SAMSN1: variants seen among roughly 807,000 people sequenced by gnomAD.
SAMSN1 encodes SAM domain, SH3 domain and nuclear localization signals 1.
Under a neutral mutation model 42.0 loss-of-function variants are expected in SAMSN1, and 31 were observed. That is an observed-to-expected ratio of 0.74 (90% confidence interval 0.55 to 1.00). SAMSN1 has a LOEUF of 1.00. Ranked by LOEUF, SAMSN1 falls within the 50% of genes least tolerant of loss-of-function variation. SAMSN1 has a pLI of 0.00. For missense variants in SAMSN1, 464 were observed against 439.4 expected (o/e 1.06, Z -0.50); for synonymous variants, 178 against 151.9 (o/e 1.17, Z -1.26).
chr21:14,531,411 C>T (rs1372612267), intron 1 of SAMSN1, among the ~76,000 whole-genome samples: 3 of 151,218 alleles, frequency 2.0e-5, no homozygotes, highest in African/African-American at 7.3e-5. Context: ...AAAAGAAAAC[C>T]CAAGAGTAAC....
rs191598540 is a variant in SAMSN1 at position 14,617,866 on chromosome 21, G to C, written c.157-1850C>G. On this transcript the variant is annotated intron_variant, in intron 2 of 15. Transcript: ENST00000647101. ...AATCGAGCAAGAGAGTTTGAATTTG[G>C]AAAGAAGATGTATTACGCAAACATA... is the stretch of plus-strand genomic sequence containing the variant. 3.3e-5 allele frequency among the ~76,000 whole-genome samples: 5 copies of C among 152,296 alleles called. No individual in the cohort carries two copies. The East Asian group carries it at 9.7e-4, about 29-fold the overall frequency.
intron 2 of SAMSN1, among the ~76,000 whole-genome samples, chr21:14,563,985 C>T (rs1045142234): frequency 6.6e-6 from 1 of 152,138 alleles, no homozygotes; most frequent in Admixed American, 6.6e-5. Flanking sequence ...GTTGGGTATA[C>T]ACACCTACTG....
chr21:14,656,806 A>G (rs917693975), intron 1 of SAMSN1, among the ~76,000 whole-genome samples: 1 of 151,874 alleles, frequency 6.6e-6, no homozygotes, highest in Non-Finnish European at 1.5e-5. Flanking sequence ...TAAATAAAAG[A>G]TGTTTAACTC....
upstream of SAMSN1, among the ~76,000 whole-genome samples, chr21:14,548,456 A>AC (rs1980500127): frequency 6.6e-6 from 1 of 152,196 alleles, no homozygotes; most frequent in African/African-American, 2.4e-5. Flanking sequence ...CCATATCTGG[A>AC]CTAGATGCAG....
Position 14,489,852 on chromosome 21 carries a change from A to C in SAMSN1, c.920-3738T>G, listed in dbSNP as rs556729058. 5.3e-5 allele frequency among the ~76,000 whole-genome samples: 8 copies of C among 152,276 alleles called. No homozygotes were observed. In the South Asian group the frequency reaches 1.7e-3, roughly 32 times the overall value. On this transcript the variant is annotated intron_variant, in intron 7 of 7. Coordinates refer to ENST00000400566, the MANE Select transcript of SAMSN1 (RefSeq NM_022136.5). ...AAAAGGGTGGCATCGTGATGAAAACAGAAGACGTCTAATATAATTATTCAC... is the reference window on the plus strand; with the variant it reads ...AAAAGGGTGGCATCGTGATGAAAACCGAAGACGTCTAATATAATTATTCAC...
At chr21:14,507,008 A>C (rs764753778) in intron 5 of SAMSN1, among the ~76,000 whole-genome samples, 2 of 152,184 alleles carry the variant, frequency 1.3e-5, no homozygotes, top group African/African-American at 2.4e-5. Context: ...TCATGATTAA[A>C]ACTCAGCAAA....
chr21:14,609,144 T>C (rs1982638230), intron 5 of SAMSN1, among the ~76,000 whole-genome samples: 1 of 152,104 alleles, frequency 6.6e-6, no homozygotes, highest in South Asian at 2.1e-4. Flanking sequence ...GAGAGTTTTC[T>C]CGTGCTCTAA....
chr21:14,487,253 TTCAAAGAAGGAAAATGTATAA>T (rs1388416601), intron 7 of SAMSN1, among the ~76,000 whole-genome samples: 14 of 152,268 alleles, frequency 9.2e-5, no homozygotes, highest in African/African-American at 3.4e-4. Flanking sequence ...CTCAGAATCC[TTCAAAGAAGGAAAATGTATAA>T]TTTTCTTCAA....
chr21:14,617,044 A>G (rs2123334959), intron 2 of SAMSN1, among the ~76,000 whole-genome samples: 1 of 152,320 alleles, frequency 6.6e-6, no homozygotes, highest in Admixed American at 6.5e-5. Context: ...GTTGAGCAGA[A>G]CGTTGCTAAA....
At chr21:14,573,284 G>A (rs1304865876) in intron 2 of SAMSN1, among the ~76,000 whole-genome samples, 1 of 152,064 alleles carries the variant, frequency 6.6e-6, no homozygotes, top group Non-Finnish European at 1.5e-5. Flanking sequence ...TTTTTTCAAA[G>A]CAGACTTTAC....
At chr21:14,518,038 TAAA>T (rs1987992100) in intron 2 of SAMSN1, among the ~76,000 whole-genome samples, 1 of 152,226 alleles carries the variant, frequency 6.6e-6, no homozygotes, top group Non-Finnish European at 1.5e-5. Context: ...ACAACTGTAA[TAAA>T]GTATTGCCAT....
chr21:14,616,000 T>C (rs2123333144), exon 3 of SAMSN1: 1 of 592,534 alleles, frequency 1.7e-6, no homozygotes, highest in Non-Finnish European at 3.1e-6. Flanking sequence ...TTTTGCATTC[T>C]CTAAATTAGA....
rs192625961 is a variant in SAMSN1 at position 14,516,878 on chromosome 21, C to T, written c.279+14G>A. The T allele has an allele frequency of 6.3e-7, 1 of 1,589,682 alleles. No individual in the cohort carries two copies. Among genetic ancestry groups the T allele is most frequent in the Non-Finnish European group, 8.6e-7 (1 of 1,167,652 alleles). ...TTAGTAGAAAAATACAAATGATTAT[C>T]AGAGAATATTTACCTTTTCCTCAGA... is the stretch of plus-strand genomic sequence containing the variant. On this transcript the variant is annotated intron_variant, in intron 3 of 7. Coordinates refer to ENST00000400566, the MANE Select transcript of SAMSN1 (RefSeq NM_022136.5).
intron 2 of SAMSN1, among the ~76,000 whole-genome samples, chr21:14,634,405 C>T (rs1376674542): frequency 2.0e-5 from 3 of 151,910 alleles, no homozygotes; most frequent in African/African-American, 7.3e-5. Context: ...AAAATTTTTG[C>T]AATCTACCAT....
chr21:14,485,432 A>G lies in SAMSN1; in HGVS notation c.*480T>C, dbSNP rs1046302318. On this transcript the variant is annotated 3_prime_UTR_variant, in exon 8 of 8. Coordinates refer to ENST00000400566, the MANE Select transcript of SAMSN1 (RefSeq NM_022136.5). ...AATTACTAAAACTCCACTGTGGATC[A>G]GGATAAAATGTGTCCAATATTAACT... 1.3e-5 allele frequency: 2 copies of G among 152,740 alleles called. No homozygotes were observed. Among genetic ancestry groups the G allele is most frequent in the African/African-American group, 4.8e-5 (2 of 41,472 alleles). 9.5% of individuals were successfully genotyped at this position (152,740 alleles called of 1,614,324 possible).
exon 2 of SAMSN1, chr21:14,582,246 A>G: frequency 6.4e-7 from 1 of 1,550,920 alleles, no homozygotes; most frequent in Non-Finnish European, 8.7e-7. Flanking sequence ...AAATCAAGAC[A>G]TGTCCAGAGA....
At chr21:14,537,709 T>G (rs1215395888) in intron 1 of SAMSN1, among the ~76,000 whole-genome samples, 3 of 152,372 alleles carry the variant, frequency 2.0e-5, no homozygotes, top group Admixed American at 1.3e-4. Context: ...TCATCAGTTT[T>G]TTTTTTAAAG....
At chr21:14,490,846 T>C (rs1225545431) in intron 7 of SAMSN1, among the ~76,000 whole-genome samples, 3 of 152,144 alleles carry the variant, frequency 2.0e-5, no homozygotes, top group Admixed American at 6.5e-5. Flanking sequence ...ACCTTTTCGC[T>C]TTCAGCTAGG....
chr21:14,650,358 A>G (rs1197901411), intron 1 of SAMSN1, among the ~76,000 whole-genome samples: 6 of 152,176 alleles, frequency 3.9e-5, no homozygotes, highest in Non-Finnish European at 8.8e-5. Flanking sequence ...ACAATGGAAT[A>G]AAACCAGAAA....
Sources: allele counts gnomAD v4.1 joint callset (sites outside exome capture counted in the v4.1 genomes callset), GRCh38; gene constraint gnomAD v4.1.1; transcripts MANE v1.5; gene names NCBI Gene and HGNC (gene_info 2026-07-23, HGNC 2026-07-21).